ERC1: variants seen among roughly 807,000 people sequenced by gnomAD.
ERC1 encodes ELKS/RAB6-interacting/CAST family member 1.
Under a neutral mutation model 132.0 loss-of-function variants are expected in ERC1, and 56 were observed. That is an observed-to-expected ratio of 0.42 (90% CI 0.34 to 0.53). The LOEUF is 0.53. Among genes scored for constraint, ERC1 ranks in the 20% least tolerant of loss-of-function variants. The pLI, the probability that ERC1 is intolerant of heterozygous loss-of-function variation, is 0.03. For missense variants in ERC1, 1,202 were observed against 1,349.9 expected (o/e 0.89, Z 1.72); for synonymous variants, 478 against 476.1 (o/e 1.00, Z -0.05).
chr12:1,050,477 T>C (rs1971752149), intron 2 of ERC1, among the ~76,000 whole-genome samples: 1 of 152,208 alleles, frequency 6.6e-6, no homozygotes, highest in African/African-American at 2.4e-5. Context: ...TGTTAAAATT[T>C]CTGGATCCCT....
At position 1,329,398 on chromosome 12, in the gene ERC1, A is replaced by G. The variant is rs1022220929; in HGVS notation, c.2780+39386A>G. Among the ~76,000 whole-genome samples, 21 of 120,072 alleles carry G rather than the reference A, an allele frequency of 1.7e-4. 4 individuals are homozygous for G. The highest frequency in any genetic ancestry group is 7.3e-4 in the African/African-American group (21 of 28,912). The allele number at this position is 120,072 out of a possible 152,430, so 78.8% of individuals were successfully genotyped here. A position where few individuals can be genotyped will look rare whatever the true frequency, so the allele number is the denominator to read the frequency against. On this transcript the variant is annotated intron_variant, in intron 15 of 18. Coordinates refer to ENST00000360905, the MANE Select transcript of ERC1 (RefSeq NM_178040.4). ...TCAAAATAATTTTATAATAGCCTAA[A>G]TAAAATCAACTACACACGTATTAAT...
chr12:1,162,201 G>A (rs1258991821), intron 8 of ERC1, among the ~76,000 whole-genome samples: 1 of 152,168 alleles, frequency 6.6e-6, no homozygotes, highest in African/African-American at 2.4e-5. Context: ...TTAGTATTGG[G>A]CTCCTCCTTC....
At chr12:1,226,652 T>G (rs1453155130) in intron 12 of ERC1, among the ~76,000 whole-genome samples, 1 of 152,198 alleles carries the variant, frequency 6.6e-6, no homozygotes, top group Non-Finnish European at 1.5e-5. Context: ...GTTTTTAGGT[T>G]CATTCATATC....
At position 1,349,170 on chromosome 12, in the gene ERC1, G is replaced by A. The variant is rs551789992; in HGVS notation, c.2781-22663G>A. Reference sequence around the variant, plus strand: ...CCTAAGTTGTCCCCAAGAAAACGACGACACTGGAGTCAGTTCCGTGTTTAT... The same window carrying A: ...CCTAAGTTGTCCCCAAGAAAACGACAACACTGGAGTCAGTTCCGTGTTTAT... On this transcript the variant is annotated intron_variant, in intron 15 of 18. Coordinates refer to ENST00000360905, the MANE Select transcript of ERC1 (RefSeq NM_178040.4). 6.6e-5 allele frequency among the ~76,000 whole-genome samples: 10 copies of A among 152,248 alleles called. No homozygotes were observed. The South Asian group carries it at 1.2e-3, about 19-fold the overall frequency.
chr12:1,066,419 C>G (rs1939200378), intron 2 of ERC1, among the ~76,000 whole-genome samples: 1 of 152,112 alleles, frequency 6.6e-6, no homozygotes, highest in African/African-American at 2.4e-5. Context: ...TCAAGTGAGC[C>G]CTTGAAATTT....
intron 16 of ERC1, among the ~76,000 whole-genome samples, chr12:1,407,136 A>G (rs61066006): frequency 0.061 from 9,360 of 152,230 alleles, 448 homozygotes; most frequent in African/African-American, 0.12. Flanking sequence ...TCACTAATCC[A>G]GTCTTCCTTT....
chr12:1,388,923 C>T (rs2089686439), intron 16 of ERC1, among the ~76,000 whole-genome samples: 1 of 152,218 alleles, frequency 6.6e-6, no homozygotes, highest in African/African-American at 2.4e-5. Flanking sequence ...ATCTTGCCGG[C>T]TCTATGAGGA....
intron 1 of ERC1, among the ~76,000 whole-genome samples, chr12:997,186 A>G (rs1961106562): frequency 6.6e-6 from 1 of 152,254 alleles, no homozygotes; most frequent in African/African-American, 2.4e-5. Flanking sequence ...GTCAAGGGAA[A>G]TAGTGACTGC....
intron 11 of ERC1, among the ~76,000 whole-genome samples, chr12:1,184,454 G>T (rs955160404): frequency 6.6e-6 from 1 of 151,878 alleles, no homozygotes; most frequent in African/African-American, 2.4e-5. Flanking sequence ...ACTATTTGGC[G>T]TATTTTCTTC....
chr12:1,243,193 C>CA (rs1336288698), intron 13 of ERC1, among the ~76,000 whole-genome samples: 1,088 of 70,292 alleles, frequency 0.015, 8 homozygotes, highest in Middle Eastern at 0.03. Context: ...GACTCCGTCT[C>CA]AAAAAAAAAA....
At position 1,292,746 on chromosome 12, in the gene ERC1, C is replaced by G. The variant is rs1246490106; in HGVS notation, c.2780+2734C>G. ...TGTTAACAGGCCGGGCACGGTGGTT[C>G]ACACCTGTAATCCCAACACTTTGGG... On this transcript the variant is annotated intron_variant, in intron 15 of 18. Transcript: ENST00000360905. 2.6e-5 allele frequency among the ~76,000 whole-genome samples: 4 copies of G among 152,200 alleles called. No homozygotes were observed. The East Asian group carries it at 7.7e-4, about 29-fold the overall frequency.
At chr12:1,085,017 G>A (rs564949810) in intron 3 of ERC1, among the ~76,000 whole-genome samples, 645 of 56,214 alleles carry the variant, frequency 0.011, 83 homozygotes, top group African/African-American at 0.026. Flanking sequence ...TATTATTGTT[G>A]TTGTTGTTGT....
At chr12:1,374,631 G>A (rs2087657125) in intron 16 of ERC1, among the ~76,000 whole-genome samples, 1 of 152,206 alleles carries the variant, frequency 6.6e-6, no homozygotes, top group South Asian at 2.1e-4. Context: ...ACCCTGGAAA[G>A]CATTAATACA....
At chr12:1,290,571 T>C (rs1005355665) in intron 15 of ERC1, among the ~76,000 whole-genome samples, 25 of 152,220 alleles carry the variant, frequency 1.6e-4, no homozygotes, top group Non-Finnish European at 2.9e-5. Context: ...TAATCTGTTG[T>C]GAAGCATGTA....
chr12:1,380,418 C>G (rs767944523), intron 16 of ERC1: 1 of 152,252 alleles, frequency 6.6e-6, no homozygotes, highest in Non-Finnish European at 1.5e-5. Context: ...CCATCTGTCT[C>G]CTTCTCAGAT....
chr12:1,077,725 C>G (rs969909181), intron 2 of ERC1, among the ~76,000 whole-genome samples: 3 of 152,174 alleles, frequency 2.0e-5, no homozygotes, highest in Non-Finnish European at 4.4e-5. Context: ...TCCTTAAACT[C>G]AATGTATCTG....
At chr12:1,449,476 G>A (rs1005348580) in intron 18 of ERC1, among the ~76,000 whole-genome samples, 1 of 152,276 alleles carries the variant, frequency 6.6e-6, no homozygotes, top group Non-Finnish European at 1.5e-5. Context: ...CTGTTCTCAT[G>A]ATAGTGGGTG....
chr12:1,481,276 T>C lies in ERC1; in HGVS notation c.3214-8817T>C, dbSNP rs546270391. Among the ~76,000 whole-genome samples the C allele has an allele frequency of 7.2e-5, 11 of 152,382 alleles. No homozygotes were observed. The East Asian group carries it at 2.1e-3, about 29-fold the overall frequency. ...GTTGTGAATAATCCATTTCAGGTTG[T>C]GCTTTCGCACCTGTGCTGTATAACA... On this transcript the variant is annotated intron_variant, in intron 18 of 18. Coordinates refer to ENST00000360905, the MANE Select transcript of ERC1 (RefSeq NM_178040.4).
intron 1 of ERC1, among the ~76,000 whole-genome samples, chr12:1,008,440 A>T (rs530501862): frequency 6.6e-6 from 1 of 152,292 alleles, no homozygotes; most frequent in South Asian, 2.1e-4. Context: ...ATCTATTTAC[A>T]TAATTTTTTT....
Sources: allele counts gnomAD v4.1 joint callset (sites outside exome capture counted in the v4.1 genomes callset), GRCh38; gene constraint gnomAD v4.1.1; transcripts MANE v1.5; gene names NCBI Gene and HGNC (gene_info 2026-07-23, HGNC 2026-07-21).